ZNF512B: variants seen among roughly 807,000 people sequenced by gnomAD.
ZNF512B encodes zinc finger protein 512B.
In ZNF512B, 22 loss-of-function variants were observed where a neutral mutation model predicts 87.8. The ratio of observed to expected loss-of-function variants is 0.25; its 90% CI spans 0.18 to 0.36. The LOEUF (loss-of-function observed/expected upper bound fraction) is 0.36. Among genes scored for constraint, ZNF512B ranks in the 10% least tolerant of loss-of-function variants. The pLI is 1.00. For missense variants in ZNF512B, 1,060 were observed against 1,231.6 expected (o/e 0.86, Z 2.09); for synonymous variants, 524 against 490.9 (o/e 1.07, Z -0.89).
intron 14 of ZNF512B, 60 bp from the exon 15 acceptor site, chr20:63,962,064 C>T (rs1220986146): frequency 2.0e-6 from 3 of 1,517,740 alleles, no homozygotes; most frequent in Non-Finnish European, 2.7e-6. Context: ...CAAGATATAC[C>T]CCTGCCCTAC....
At position 63,966,477 on chromosome 20, in the gene ZNF512B, G is replaced by A. The variant is rs757701319; in HGVS notation, c.698C>T (p.Pro233Leu). 19 of 1,613,938 alleles carry A rather than the reference G, an allele frequency of 1.2e-5. No homozygotes were observed. Among genetic ancestry groups the A allele is most frequent in the Admixed American group, 1.0e-4 (6 of 60,004 alleles). Residue 233 changes from proline to leucine, a missense_variant, in exon 5 of 17, where the codon CCC (proline) becomes CTC (leucine). Physicochemically the swap from Pro to Leu is moderately conservative, Grantham distance 98. Coordinates refer to ENST00000369888, the MANE Select transcript of ZNF512B (RefSeq NM_020713.3). ...PVTKAIPVTR[P>L]VPVTKPVTVS... ...TGTGACAGGTTTGGTGACTGGCACG[G>A]GCCTAGTGACCGGGATGGCCTTGGT... is the stretch of plus-strand genomic sequence containing the variant.
chr20:63,962,865 G>T, intron 12 of ZNF512B, 84 bp from the exon 13 acceptor site: 1 of 1,377,246 alleles, frequency 7.3e-7, no homozygotes, highest in Non-Finnish European at 9.7e-7. Context: ...CCCTAAGGCC[G>T]GTGGACCCAC....
chr20:63,967,557 G>C (rs1258020449), intron 2 of ZNF512B, 34 bp from the exon 3 acceptor site: 2 of 1,555,914 alleles, frequency 1.3e-6, no homozygotes, highest in Non-Finnish European at 1.7e-6. Flanking sequence ...CTCGGAAGCT[G>C]TGTAGCACCG....
At chr20:63,968,808 G>C (rs2122891895) in intron 1 of ZNF512B, among the ~76,000 whole-genome samples, 1 of 152,372 alleles carries the variant, frequency 6.6e-6, no homozygotes, top group Non-Finnish European at 1.5e-5. Flanking sequence ...TGGCCAGAGA[G>C]AACGCCCTGC....
rs145416341 is a variant in ZNF512B, at chr20:63,961,879, G to A, written c.2328+63C>T. ...CCTCACTACTGTGTGGGAAGCCCGC[G>A]TGGGGTGAGCTGGGAGCTCTGAGTG... On this transcript the variant is annotated intron_variant, in intron 15 of 16. Transcript: ENST00000369888. This position sits in a 1 kb window ranked among gnomAD's most constrained non-coding sequence, Gnocchi z 6.4. 4.3e-4 allele frequency: 658 copies of A among 1,519,962 alleles called. 9 individuals are homozygous for A. In the Middle Eastern group the frequency reaches 6.0e-3, roughly 14 times the overall value. The allele number at this position is 1,519,962 out of a possible 1,614,324, so 94.2% of individuals were successfully genotyped here.
chr20:63,968,352 G>C (rs998153713), intron 1 of ZNF512B, among the ~76,000 whole-genome samples: 1 of 152,222 alleles, frequency 6.6e-6, no homozygotes, highest in African/African-American at 2.4e-5. Context: ...CCTGGGAGAG[G>C]TGCCTTGCGC....
At position 63,964,125 on chromosome 20, in the gene ZNF512B, C is replaced by T. The variant is rs533770990; in HGVS notation, c.1426G>A (p.Ala476Thr). ...PEDARKKVPA[A>T]PITVSKEAPA... is the part of the protein sequence containing the mutation. Reference sequence around the variant, plus strand: ...GCCTCCTTGCTGACAGTGATGGGGGCAGCTGGCACCTTCTTCCGGGCGTCC... The same window carrying T: ...GCCTCCTTGCTGACAGTGATGGGGGTAGCTGGCACCTTCTTCCGGGCGTCC... The change falls in exon 8 of 17, where the codon GCC (alanine) becomes ACC (threonine). Residue 476 changes from alanine (A) to threonine (T), a missense_variant. By Grantham distance (58) the Ala-to-Thr change is moderately conservative. This residue lies in a region of ZNF512B where 212 missense variants were observed against 207.6 expected (regional missense o/e 1.02). Coordinates refer to ENST00000369888, the MANE Select transcript of ZNF512B (RefSeq NM_020713.3). The T allele has an allele frequency of 7.5e-6, 12 of 1,607,094 alleles. No homozygotes were observed. The East Asian group carries it at 2.0e-4, about 27-fold the overall frequency.
chr20:63,962,390 C>A lies in ZNF512B; in HGVS notation c.2164-16G>T. 1 of 1,606,342 alleles carries A rather than the reference C, an allele frequency of 6.2e-7. No homozygotes were observed. The highest frequency in any genetic ancestry group is 1.7e-5 in the Admixed American group (1 of 58,670). ...TGTAGTTGAGCTGTGAATTCGACAG[C>A]ACCAGGGTGAGCCTGAGGCCAGAAG... On this transcript the variant is annotated splice_polypyrimidine_tract_variant and intron_variant, in intron 13 of 16. Transcript: ENST00000369888.
intron 16 of ZNF512B, among the ~76,000 whole-genome samples, chr20:63,960,529 A>G (rs1375637471): frequency 1.2e-4 from 14 of 112,130 alleles, no homozygotes; most frequent in South Asian, 3.9e-4. Context: ...CACAGCCTTC[A>G]GGACCAGGCA....
In ZNF512B at chr20:63,963,233, G is replaced by A; in HGVS notation, c.1830C>T (p.Gly610=). 8 of 1,548,090 alleles carry A rather than the reference G, an allele frequency of 5.2e-6. No homozygotes were observed. The African/African-American group carries it at 6.8e-5, about 13-fold the overall frequency. Reference sequence around the variant, plus strand: ...CGCAGCGCCGCTGGTGGTACTGGTAGCCCATGAGGCTGGAGAAGGCAGCCC... The same window carrying A: ...CGCAGCGCCGCTGGTGGTACTGGTAACCCATGAGGCTGGAGAAGGCAGCCC... The part of the protein sequence containing the change: ...GCGAAFSSLM[G]YQYHQRRCGK... The change falls in exon 12 of 17, where the codon GGC becomes GGT. Residue 610 remains glycine (G), a synonymous_variant. Transcript: ENST00000369888.
chr20:63,964,006 T>C, intron 8 of ZNF512B, 65 bp downstream of exon 8: 1 of 1,594,412 alleles, frequency 6.3e-7, no homozygotes, highest in Non-Finnish European at 8.5e-7. Flanking sequence ...TCAGCCCCCA[T>C]CCCTGTGCTG....
intron 1 of ZNF512B, among the ~76,000 whole-genome samples, chr20:63,968,207 C>T (rs916519613): frequency 1.3e-5 from 2 of 152,234 alleles, no homozygotes; most frequent in African/African-American, 4.8e-5. Flanking sequence ...TCCTGAGACC[C>T]TCACCAACTT....
Position 63,963,645 on chromosome 20 carries a change from G to T in ZNF512B, c.1671C>A (p.Tyr557Ter). 1 of 1,613,702 alleles carries T rather than the reference G, an allele frequency of 6.2e-7. No homozygotes were observed. The highest frequency in any genetic ancestry group is 8.5e-7 in the Non-Finnish European group (1 of 1,180,030). Reference sequence around the variant, plus strand: ...TGGCACTGTGCTCGGCCATAGTGTGGTAGTTGAGGCCGGCTTTGGACTTGA... The same window carrying T: ...TGGCACTGTGCTCGGCCATAGTGTGTTAGTTGAGGCCGGCTTTGGACTTGA... Reference protein sequence around the residue: ...KQFKSKAGLNYHTMAEHSAKP... With the variant: ...KQFKSKAGLN Residue 557 changes from tyrosine to a stop codon, truncating the protein, a stop_gained, in exon 10 of 17, where the codon TAC becomes TAA. Transcript: ENST00000369888. LOFTEE classifies it high-confidence loss of function.
At chr20:63,966,012 T>C (rs2058918852) in intron 5 of ZNF512B, 129 bp downstream of exon 5, 1 of 1,319,556 alleles carries the variant, frequency 7.6e-7, no homozygotes, top group Non-Finnish European at 9.9e-7. Flanking sequence ...ATACCTTTTC[T>C]CACCACTGTT....
chr20:63,962,163 G>C, intron 14 of ZNF512B, 110 bp downstream of exon 14: 1 of 1,331,936 alleles, frequency 7.5e-7, no homozygotes, highest in Non-Finnish European at 1.0e-6. Flanking sequence ...CCTGGGGTGG[G>C]CTTGGGCACC....
rs1175481408 is a variant in ZNF512B at position 63,959,264 on chromosome 20, G to C, written c.*624C>G. ...ACTGACAAAGGAGGAGCAGGGGTGG[G>C]GGTAGTGGGCAGGCCTGGAGAGGTA... On this transcript the variant is annotated 3_prime_UTR_variant, in exon 17 of 17. Coordinates refer to ENST00000369888, the MANE Select transcript of ZNF512B (RefSeq NM_020713.3). The C allele has an allele frequency of 6.5e-6, 1 of 154,086 alleles. No individual in the cohort carries two copies. Among genetic ancestry groups the C allele is most frequent in the Non-Finnish European group, 1.4e-5 (1 of 69,132 alleles). 9.5% of individuals were successfully genotyped at this position (154,086 alleles called of 1,614,324 possible). A position where few individuals can be genotyped will look rare whatever the true frequency, so the allele number is the denominator to read the frequency against.
chr20:63,965,657 C>T (rs879141689), intron 5 of ZNF512B, among the ~76,000 whole-genome samples: 4 of 16,700 alleles, frequency 2.4e-4, no homozygotes, highest in African/African-American at 7.7e-4. Context: ...TACCTTTTCT[C>T]ACCACTGTTC....
chr20:63,964,235 G>A lies in ZNF512B; in HGVS notation c.1334-18C>T. 3 of 1,608,314 alleles carry A rather than the reference G, an allele frequency of 1.9e-6. No individual in the cohort carries two copies. Among genetic ancestry groups the A allele is most frequent in the South Asian group, 1.1e-5 (1 of 90,468 alleles). On this transcript the variant is annotated intron_variant, in intron 7 of 16. Transcript: ENST00000369888. ...GACCAGGCCTGTGTGCACACATGGG[G>A]TGGAGAGAAACAGGGATGGGCTCAG... is the stretch of plus-strand genomic sequence containing the variant.
rs377045068 is a variant in ZNF512B at position 63,959,999 on chromosome 20, A to G, written c.2568T>C (p.Pro856=). The G allele has an allele frequency of 6.8e-5, 110 of 1,613,128 alleles. No individual in the cohort carries two copies. Among genetic ancestry groups the G allele is most frequent in the Non-Finnish European group, 9.1e-5 (107 of 1,180,002 alleles). ...RKPKERTPEE[P]VAKLPPRRDD... The stretch of plus-strand genomic sequence containing the variant: ...CCCGGCGCGGGGGCAGCTTGGCCAC[A>G]GGCTCCTCTGGGGTCCGCTCCTTGG... Residue 856 remains proline (P), a synonymous_variant, in exon 17 of 17, where the codon CCT becomes CCC. Transcript: ENST00000369888.
Sources: allele counts gnomAD v4.1 joint callset (sites outside exome capture counted in the v4.1 genomes callset), GRCh38; gene constraint gnomAD v4.1.1; regional missense constraint gnomAD v4.1.1; non-coding constraint Gnocchi (gnomAD v3.1); transcripts MANE v1.5; gene names NCBI Gene and HGNC (gene_info 2026-07-23, HGNC 2026-07-21).